The following ACAP2 variants were observed in gnomAD, a reference collection of about 807,000 sequenced individuals.
ACAP2 encodes the protein ArfGAP with coiled-coil, ankyrin repeat and PH domains 2.
A neutral mutation model predicts 115.8 loss-of-function variants in ACAP2; 39 were observed. The observed-to-expected ratio is 0.34, with a 90% CI of 0.26 to 0.44. ACAP2 has a LOEUF of 0.44. Ranked by LOEUF, ACAP2 falls within the 20% of genes least tolerant of loss-of-function variation. The pLI is 1.00. For missense variants in ACAP2, 662 were observed against 927.6 expected, an observed-to-expected ratio of 0.71 and a Z score of 3.72; for synonymous variants, 289 against 315.8, an observed-to-expected ratio of 0.92 and a Z score of 0.90.
chr3:195,375,430 AACT>A (rs1733457965), intron 4 of ACAP2, among the ~76,000 whole-genome samples: 1 of 151,424 alleles, frequency 6.6e-6, no homozygotes, highest in Admixed American at 6.6e-5. Flanking sequence ...GAAACACTGA[AACT>A]ACCCTGTTCT....
chr3:195,371,123 A>T (rs1177670313), intron 4 of ACAP2, among the ~76,000 whole-genome samples: 1 of 152,136 alleles, frequency 6.6e-6, no homozygotes, highest in Non-Finnish European at 1.5e-5. Flanking sequence ...GTTTGATGGG[A>T]ATAGCACTGA....
intron 18 of ACAP2, among the ~76,000 whole-genome samples, chr3:195,294,087 G>A (rs1337303988): frequency 1.3e-5 from 2 of 151,538 alleles, no homozygotes; most frequent in African/African-American, 2.4e-5. Flanking sequence ...TGCAGTAAGC[G>A]AAGATCGCAC....
chr3:195,424,426 C>T (rs933281855), intron 1 of ACAP2, among the ~76,000 whole-genome samples: 4 of 149,984 alleles, frequency 2.7e-5, no homozygotes, highest in Non-Finnish European at 5.9e-5. Context: ...TCCCAAGTAG[C>T]TGGGATTACA....
At chr3:195,413,602 T>G (rs942769394) in intron 1 of ACAP2, among the ~76,000 whole-genome samples, 1 of 151,782 alleles carries the variant, frequency 6.6e-6, no homozygotes, top group African/African-American at 2.4e-5. Flanking sequence ...TACAAAAAAT[T>G]AGGCGGGTGT....
chr3:195,302,674 A>G (rs1319577677), intron 13 of ACAP2, among the ~76,000 whole-genome samples: 1 of 152,242 alleles, frequency 6.6e-6, no homozygotes, highest in Non-Finnish European at 1.5e-5. Context: ...ATAGTAAAGA[A>G]GAGATCAACT....
At chr3:195,283,253 C>T (rs1244694037) in intron 22 of ACAP2, among the ~76,000 whole-genome samples, 1 of 152,088 alleles carries the variant, frequency 6.6e-6, no homozygotes, top group East Asian at 1.9e-4. Context: ...CTCCTAAGGG[C>T]TACTGGGACT....
chr3:195,378,452 G>A (rs529610046), intron 4 of ACAP2, among the ~76,000 whole-genome samples: 4 of 149,946 alleles, frequency 2.7e-5, no homozygotes, highest in East Asian at 2.0e-4. Context: ...AGATTGCGCC[G>A]CTGCACTCCA....
intron 7 of ACAP2, among the ~76,000 whole-genome samples, chr3:195,333,368 A>G (rs979262346): frequency 6.3e-4 from 96 of 152,094 alleles, no homozygotes; most frequent in African/African-American, 2.2e-3. Flanking sequence ...TGCTCAGCTA[A>G]TTTTTTTATT....
At chr3:195,290,849 TAATAAATA>T (rs370263101) in intron 20 of ACAP2, among the ~76,000 whole-genome samples, 7 of 134,190 alleles carry the variant, frequency 5.2e-5, no homozygotes, top group South Asian at 2.4e-4. Context: ...AATAAATAAA[TAATAAATA>T]AATAAATAAA....
At chr3:195,354,885 CAAG>C (rs1278040764) in intron 4 of ACAP2, among the ~76,000 whole-genome samples, 4 of 152,102 alleles carry the variant, frequency 2.6e-5, no homozygotes, top group African/African-American at 9.7e-5. Context: ...GTTTTGGAGA[CAAG>C]AGTCTCACTC....
chr3:195,301,440 C>T (rs1728049723), intron 15 of ACAP2, 135 bp downstream of exon 15: 1 of 712,228 alleles, frequency 1.4e-6, no homozygotes, highest in Non-Finnish European at 2.3e-6. Flanking sequence ...CCAAAATAGC[C>T]TCAGATGTGT....
chr3:195,314,464 T>A (rs1728963506), intron 10 of ACAP2, among the ~76,000 whole-genome samples: 2 of 152,038 alleles, frequency 1.3e-5, no homozygotes, highest in African/African-American at 4.8e-5. Context: ...GACAGGGTTC[T>A]CGCCATGTTG....
At chr3:195,431,993 T>C (rs1703361517) in intron 1 of ACAP2, among the ~76,000 whole-genome samples, 1 of 152,208 alleles carries the variant, frequency 6.6e-6, no homozygotes, top group Non-Finnish European at 1.5e-5. Context: ...TTATTGACCA[T>C]TTGGGTATGT....
chr3:195,351,266 T>C (rs1223107677), intron 4 of ACAP2, among the ~76,000 whole-genome samples: 3 of 151,660 alleles, frequency 2.0e-5, no homozygotes, highest in East Asian at 3.9e-4. Flanking sequence ...TACAGGGGCA[T>C]GCCACCACGC....
chr3:195,433,479 T>A (rs924437593), intron 1 of ACAP2, among the ~76,000 whole-genome samples: 1 of 152,214 alleles, frequency 6.6e-6, no homozygotes, highest in Admixed American at 6.5e-5. Flanking sequence ...CTCTATCCTC[T>A]GCTACAGTGT....
chr3:195,347,362 T>C (rs1731250890), intron 4 of ACAP2, among the ~76,000 whole-genome samples: 1 of 152,050 alleles, frequency 6.6e-6, no homozygotes, highest in Non-Finnish European at 1.5e-5. Context: ...CTACAAAGTA[T>C]TAAAAAGAGA....
chr3:195,401,380 C>T lies in ACAP2; in HGVS notation c.54-9233G>A, dbSNP rs571717092. Among the ~76,000 whole-genome samples the T allele has an allele frequency of 4.6e-5, 7 of 152,276 alleles. No homozygotes were observed. In the South Asian group the frequency reaches 1.2e-3, roughly 27 times the overall value. On this transcript the variant is annotated intron_variant, in intron 1 of 22. Coordinates refer to ENST00000326793, the MANE Select transcript of ACAP2 (RefSeq NM_012287.6). ...ATCACATGTGTATATTAAGAGAAGA[C>T]TAGGCTGGGCGCAGTGGCTCAGGCC...
intron 13 of ACAP2, among the ~76,000 whole-genome samples, chr3:195,302,815 G>A (rs180781943): frequency 2.6e-5 from 4 of 152,094 alleles, no homozygotes; most frequent in African/African-American, 4.8e-5. Flanking sequence ...GGCCGAGAGC[G>A]GTGTCACCCC....
At chr3:195,305,339 C>A (rs1283438993) in intron 13 of ACAP2, among the ~76,000 whole-genome samples, 2 of 152,124 alleles carry the variant, frequency 1.3e-5, no homozygotes, top group Non-Finnish European at 2.9e-5. Flanking sequence ...ATAAGAAAAG[C>A]TTCAACATCA....
Sources: gnomAD v4.1 joint callset for allele counts (sites outside exome capture counted in the v4.1 genomes callset) on GRCh38, gnomAD v4.1.1 for gene constraint, MANE v1.5 for transcripts, NCBI Gene and HGNC (gene_info 2026-07-23, HGNC 2026-07-21) for gene names.